NOD1: variants seen among roughly 807,000 people sequenced by gnomAD.
NOD1 encodes nucleotide-binding oligomerization domain-containing protein 1.
A neutral mutation model predicts 81.2 loss-of-function variants in NOD1; 70 were observed. That is an observed-to-expected ratio of 0.86 (90% confidence interval 0.71 to 1.05). The LOEUF (loss-of-function observed/expected upper bound fraction) is 1.05, where lower values mean the gene tolerates loss of function less well. NOD1 is among the 50% of genes least tolerant of loss of function. NOD1 has a pLI of 0.00. For synonymous variants in NOD1, 508 were observed against 526.9 expected, an observed-to-expected ratio of 0.96 and a Z score of 0.49; for missense variants, 1,233 against 1,228.0, an observed-to-expected ratio of 1.00 and a Z score of -0.06.
At chr7:30,473,424 C>A (rs1036531283) in intron 1 of NOD1, among the ~76,000 whole-genome samples, 9 of 152,164 alleles carry the variant, frequency 5.9e-5, no homozygotes, top group Non-Finnish European at 1.3e-4. Flanking sequence ...AAACACCCCC[C>A]ACATCTGTCT....
intron 12 of NOD1, among the ~76,000 whole-genome samples, chr7:30,431,788 G>A (rs898725707): frequency 2.0e-5 from 3 of 152,168 alleles, no homozygotes; most frequent in Admixed American, 2.0e-4. Flanking sequence ...GAAAAAAATA[G>A]ATAAATTGGA....
chr7:30,450,608 T>A (rs1785591355), intron 6 of NOD1, among the ~76,000 whole-genome samples: 1 of 152,188 alleles, frequency 6.6e-6, no homozygotes. Flanking sequence ...GCTGCTAGCG[T>A]TGATCACAGA....
In NOD1 at chr7:30,454,055, C is replaced by G. The variant is rs553752071; in HGVS notation, c.377-1015G>C. Among the ~76,000 whole-genome samples, 15 of 152,158 alleles carry G rather than the reference C, an allele frequency of 9.9e-5. No individual in the cohort carries two copies. The South Asian group carries it at 3.1e-3, about 32-fold the overall frequency. ...CATGGGGGAAGGAAACAAGGGGAGACAGGAAGGAGCAGACAGAGTCAGAAG... is the reference window on the plus strand; with the variant it reads ...CATGGGGGAAGGAAACAAGGGGAGAGAGGAAGGAGCAGACAGAGTCAGAAG... On this transcript the variant is annotated intron_variant, in intron 5 of 13. Coordinates refer to ENST00000222823, the MANE Select transcript of NOD1 (RefSeq NM_006092.4).
rs1783315778 is a variant in NOD1 at position 30,424,831 on chromosome 7, C to T, written c.*807G>A. On this transcript the variant is annotated 3_prime_UTR_variant, in exon 14 of 14. Coordinates refer to ENST00000222823, the MANE Select transcript of NOD1 (RefSeq NM_006092.4). ...CCCTATTTCTTTGGAGGGACAGAAT[C>T]ACTTCTTCCCAAGGCCAGACACTGT... is the stretch of plus-strand genomic sequence containing the variant. 1 of 152,238 alleles carries T rather than the reference C, an allele frequency of 6.6e-6. No individual in the cohort carries two copies. Among genetic ancestry groups the T allele is most frequent in the East Asian group, 1.9e-4 (1 of 5,188 alleles). The allele number at this position is 152,238 out of a possible 1,614,324, so 9.4% of individuals were successfully genotyped here. A position where few individuals can be genotyped will look rare whatever the true frequency, so the allele number is the denominator to read the frequency against.
rs1016551880 is a variant in NOD1 at position 30,446,620 on chromosome 7, C to T, written c.2369+347G>A. On this transcript the variant is annotated intron_variant, in intron 8 of 13. Transcript: ENST00000222823. Reference sequence around the variant, plus strand: ...AAGCCTGGCGCACTGTCACCCCCTGCGCAGGGCACACCTACAGCAGGGCAA... The same window carrying T: ...AAGCCTGGCGCACTGTCACCCCCTGTGCAGGGCACACCTACAGCAGGGCAA... 10 of 392,278 alleles carry T rather than the reference C, an allele frequency of 2.5e-5. No individual in the cohort carries two copies. The Admixed American group carries it at 2.6e-4, about 10-fold the overall frequency. 24.3% of individuals were successfully genotyped at this position (392,278 alleles called of 1,614,324 possible).
rs1382694223 is a variant in NOD1 at position 30,469,074 on chromosome 7, T to C, written c.-351-9033A>G. 4 of 985,336 alleles carry C rather than the reference T, an allele frequency of 4.1e-6. No individual in the cohort carries two copies. In the African/African-American group the frequency reaches 7.0e-5, roughly 17 times the overall value. 61.0% of individuals were successfully genotyped at this position (985,336 alleles called of 1,614,324 possible). On this transcript the variant is annotated intron_variant, in intron 1 of 13. Transcript: ENST00000222823. ...TGCTTGGTCAGCTCAAATGGTGTCC[T>C]ACTTTTCCTGCTGCATGATCCACAA...
chr7:30,463,261 A>G (rs937184654), intron 1 of NOD1, among the ~76,000 whole-genome samples: 1 of 152,226 alleles, frequency 6.6e-6, no homozygotes, highest in African/African-American at 2.4e-5. Context: ...TTACACTTCC[A>G]TGAAATTGAT....
At chr7:30,464,615 T>G (rs1312392784) in intron 1 of NOD1, among the ~76,000 whole-genome samples, 1 of 152,220 alleles carries the variant, frequency 6.6e-6, no homozygotes, top group African/African-American at 2.4e-5. Flanking sequence ...TTCTGACTCA[T>G]GAGCAAATTA....
Position 30,428,171 on chromosome 7 carries a change from A to G in NOD1, c.2789+1203T>C, listed in dbSNP as rs527465622. Among the ~76,000 whole-genome samples, 114 of 152,250 alleles carry G rather than the reference A, an allele frequency of 7.5e-4. 2 individuals are homozygous for G. The highest frequency in any genetic ancestry group is 2.6e-3 in the African/African-American group (108 of 41,542). ...TCACTGCAGCCTTGATCTCCCATGC[A>G]TCCATCCTCCCACATCAGCTTCCTG... On this transcript the variant is annotated intron_variant, in intron 13 of 13. Coordinates refer to ENST00000222823, the MANE Select transcript of NOD1 (RefSeq NM_006092.4).
At chr7:30,438,842 AAG>A (rs1221886019) in intron 9 of NOD1, among the ~76,000 whole-genome samples, 1 of 152,176 alleles carries the variant, frequency 6.6e-6, no homozygotes, top group Non-Finnish European at 1.5e-5. Context: ...AAGTTGTACA[AAG>A]AGAGAGAAGG....
At chr7:30,474,196 A>T (rs893699652) in intron 1 of NOD1, among the ~76,000 whole-genome samples, 33 of 152,384 alleles carry the variant, frequency 2.2e-4, no homozygotes, top group African/African-American at 7.9e-4. Flanking sequence ...AGGAAAGACC[A>T]GCCCTGGAAC....
chr7:30,451,232 G>T lies in NOD1; in HGVS notation c.2185C>A (p.Arg729Ser). The change falls in exon 6 of 14, where the codon CGC (arginine) becomes AGC (serine). Residue 729 changes from arginine (R) to serine (S), a missense_variant. Coordinates refer to ENST00000222823, the MANE Select transcript of NOD1 (RefSeq NM_006092.4). This position sits in a 1 kb window ranked among gnomAD's most constrained non-coding sequence, Gnocchi z 4.2. ...CAGCCTCACCTGAGAACAGTGAGGC[G>T]GCTGAAGCAGGGCTGCAGCTCCCGC... ...GVRELQPCFS[R>S]LTVLRLSVNQ... 6.2e-7 allele frequency: 1 copy of T among 1,613,262 alleles called. No homozygotes were observed. Among genetic ancestry groups the T allele is most frequent in the Non-Finnish European group, 8.5e-7 (1 of 1,179,604 alleles).
chr7:30,456,037 G>T (rs965432048), intron 4 of NOD1, among the ~76,000 whole-genome samples: 2 of 152,160 alleles, frequency 1.3e-5, no homozygotes, highest in Non-Finnish European at 1.5e-5. Flanking sequence ...TATTAAAAAC[G>T]GCTTTTTTTC....
chr7:30,439,270 G>C (rs905415936), intron 9 of NOD1, among the ~76,000 whole-genome samples: 1 of 141,284 alleles, frequency 7.1e-6, no homozygotes, highest in African/African-American at 3.2e-5. Context: ...GGCCGAATAG[G>C]AACAGCTCCG....
intron 10 of NOD1, among the ~76,000 whole-genome samples, chr7:30,436,769 G>A (rs1225263921): frequency 6.6e-6 from 1 of 152,174 alleles, no homozygotes; most frequent in Non-Finnish European, 1.5e-5. Context: ...GTGGTTGGCT[G>A]GTGTGGGACA....
At chr7:30,439,296 CGT>C (rs1784664443) in intron 9 of NOD1, among the ~76,000 whole-genome samples, 1 of 141,084 alleles carries the variant, frequency 7.1e-6, no homozygotes, top group Admixed American at 6.8e-5. Context: ...CAGCTCCCAG[CGT>C]GAGCGACGCA....
In NOD1 at chr7:30,478,718, GC is replaced by G. The variant is rs1410500732; in HGVS notation, c.-465del. On this transcript the variant is annotated 5_prime_UTR_variant, in exon 1 of 14. Transcript: ENST00000222823. The surrounding 1 kb of genome is among the most constrained non-coding windows in gnomAD (Gnocchi z 4.1). ...AAGCGCCGTGGCCCGGGAGGACGCT[GC>G]TCCCGCAGTAGCGCGAGGGAGGGGC... 6.6e-6 allele frequency: 1 copy of G among 152,348 alleles called. No individual in the cohort carries two copies. Among genetic ancestry groups the G allele is most frequent in the Non-Finnish European group, 1.5e-5 (1 of 68,120 alleles). 9.4% of individuals were successfully genotyped at this position (152,348 alleles called of 1,614,324 possible).
In NOD1 at chr7:30,433,184, G is replaced by A; in HGVS notation, c.2622-5C>T. On this transcript the variant is annotated splice_polypyrimidine_tract_variant and splice_region_variant and intron_variant, in intron 11 of 13. Coordinates refer to ENST00000222823, the MANE Select transcript of NOD1 (RefSeq NM_006092.4). ...TTGAGTTCATTTTGGGTCAGCCTAA[G>A]GAAAAAAAAGGAAGTATTTACTCAA... The A allele has an allele frequency of 6.2e-7, 1 of 1,607,822 alleles. No homozygotes were observed. The highest frequency in any genetic ancestry group is 2.2e-5 in the East Asian group (1 of 44,840).
At position 30,452,185 on chromosome 7, in the gene NOD1, G is replaced by A. The variant is rs1785808506; in HGVS notation, c.1232C>T (p.Ser411Leu). 6.2e-7 allele frequency: 1 copy of A among 1,613,998 alleles called. No homozygotes were observed. The highest frequency in any genetic ancestry group is 8.5e-7 in the Non-Finnish European group (1 of 1,180,018). ...CATCGTGCAGTCGGGCAGCTGTGGT[G>A]AGCCTTCAAAGGCAGCACGGAAGTG... ...FQHFRAAFEG[S>L]PQLPDCTMTL... The change falls in exon 6 of 14, where the codon TCA becomes TTA. Residue 411 changes from serine (S) to leucine (L), a missense_variant. Coordinates refer to ENST00000222823, the MANE Select transcript of NOD1 (RefSeq NM_006092.4).
Sources: allele counts gnomAD v4.1 joint callset (sites outside exome capture counted in the v4.1 genomes callset), GRCh38; gene constraint gnomAD v4.1.1; non-coding constraint Gnocchi (gnomAD v3.1); transcripts MANE v1.5; gene names NCBI Gene and HGNC (gene_info 2026-07-23, HGNC 2026-07-21).